Variants in FBN3 observed in about 807,000 individuals in gnomAD.
FBN3 encodes fibrillin-3.
Under a neutral mutation model 330.1 loss-of-function variants are expected in FBN3, and 234 were observed. The observed-to-expected ratio is 0.71, with a 90% CI of 0.64 to 0.79. The LOEUF is 0.79. Among genes scored for constraint, FBN3 ranks in the 30% least tolerant of loss-of-function variants. The pLI, the probability that FBN3 is intolerant of heterozygous loss-of-function variation, is 0.00. For missense variants in FBN3, 3,606 were observed against 3,886.9 expected, an observed-to-expected ratio of 0.93 and a Z score of 1.92; for synonymous variants, 1,458 against 1,517.3, an observed-to-expected ratio of 0.96 and a Z score of 0.91.
intron 41 of FBN3, among the ~76,000 whole-genome samples, chr19:8,099,115 A>G (rs939545052): frequency 3.2e-4 from 49 of 152,012 alleles, no homozygotes; most frequent in African/African-American, 1.1e-3. Context: ...CCAGAAACCA[A>G]TGTCATATAT....
chr19:8,097,970 CA>C (rs1297470714), intron 41 of FBN3, among the ~76,000 whole-genome samples: 1 of 152,116 alleles, frequency 6.6e-6, no homozygotes, highest in Non-Finnish European at 1.5e-5. Flanking sequence ...TTGTGGTTGC[CA>C]GGGGCAGAAG....
At chr19:8,117,614 CG>C (rs1377063504) in intron 26 of FBN3, 25 bp from the exon 27 acceptor site, 1 of 1,508,040 alleles carries the variant, frequency 6.6e-7, no homozygotes, top group Non-Finnish European at 8.9e-7. Context: ...AGGTGAAAGA[CG>C]GGCCTGTGCC....
chr19:8,128,382 G>A (rs1440283381), intron 18 of FBN3, among the ~76,000 whole-genome samples: 1 of 152,062 alleles, frequency 6.6e-6, no homozygotes, highest in East Asian at 1.9e-4. Context: ...TGGCGAACAT[G>A]GTGAAACCCT....
intron 54 of FBN3, 90 bp downstream of exon 54, chr19:8,086,987 T>C (rs1199013880): frequency 6.8e-7 from 1 of 1,470,334 alleles, no homozygotes; most frequent in African/African-American, 1.5e-5. Flanking sequence ...ATGACAGGTA[T>C]GAGTCACCGT....
At chr19:8,106,373 G>A in intron 37 of FBN3, 140 bp from the exon 38 acceptor site, 1 of 742,206 alleles carries the variant, frequency 1.3e-6, no homozygotes, top group Non-Finnish European at 2.2e-6. Context: ...CATTTAAAGG[G>A]TCTATCTTGA....
intron 2 of FBN3, 28 bp from the exon 3 acceptor site, chr19:8,147,214 G>A: frequency 6.4e-7 from 1 of 1,558,990 alleles, no homozygotes. Context: ...TGGGTCTGGT[G>A]AGCCCCTGCC....
At position 8,110,852 on chromosome 19, in the gene FBN3, GT is replaced by G. The variant is rs1310849032; in HGVS notation, c.4325del (p.Asn1442ThrfsTer12). The G allele has an allele frequency of 6.2e-7, 1 of 1,614,102 alleles. No homozygotes were observed. Among genetic ancestry groups the G allele is most frequent in the African/African-American group, 1.3e-5 (1 of 74,936 alleles). ...GCCCAGATGACCTCACACCTGTGCA[GT>G]TGCCACCCCCTCGGTCCAGTTCGTA... ...GGYELDRGGG[N>X]CTDINECADP... On this transcript the variant is annotated frameshift_variant, in exon 34 of 64. Coordinates refer to ENST00000600128, the MANE Select transcript of FBN3 (RefSeq NM_032447.5). LOFTEE classifies it high-confidence loss of function.
chr19:8,138,676 G>T, intron 8 of FBN3, 112 bp from the exon 9 acceptor site: 1 of 1,127,894 alleles, frequency 8.9e-7, no homozygotes, highest in Non-Finnish European at 1.2e-6. Context: ...TTGCCGCTCT[G>T]TGCCTCAGTT....
intron 53 of FBN3, among the ~76,000 whole-genome samples, 163 bp downstream of exon 53, chr19:8,087,662 A>G (rs1424724255): frequency 7.7e-6 from 1 of 129,204 alleles, no homozygotes; most frequent in Non-Finnish European, 1.5e-5. Context: ...GCTGGAGTGC[A>G]GTGGCATGAT....
intron 40 of FBN3, among the ~76,000 whole-genome samples, chr19:8,101,980 G>T (rs2082336579): frequency 6.6e-6 from 1 of 152,192 alleles, no homozygotes; most frequent in Admixed American, 6.5e-5. Flanking sequence ...TCACGGGAGG[G>T]ACCCGGTGGG....
chr19:8,139,622 C>A (rs1384501406), intron 8 of FBN3, among the ~76,000 whole-genome samples: 1 of 151,634 alleles, frequency 6.6e-6, no homozygotes, highest in East Asian at 1.9e-4. Flanking sequence ...AGAGAGGGGC[C>A]CCAAGGAGTC....
chr19:8,072,836 G>A (rs2081547286), intron 62 of FBN3, among the ~76,000 whole-genome samples: 1 of 152,152 alleles, frequency 6.6e-6, no homozygotes, highest in South Asian at 2.1e-4. Context: ...AGTGCTGTGA[G>A]GATGTGTGTG....
At chr19:8,137,876 C>T (rs1273700429) in intron 10 of FBN3, among the ~76,000 whole-genome samples, 1 of 152,142 alleles carries the variant, frequency 6.6e-6, no homozygotes, top group Admixed American at 6.6e-5. Context: ...GATCCTTCCA[C>T]CTCGGCCTCC....
intron 48 of FBN3, among the ~76,000 whole-genome samples, chr19:8,090,956 T>A (rs2082083564): frequency 6.6e-6 from 1 of 152,176 alleles, no homozygotes; most frequent in African/African-American, 2.4e-5. Context: ...CCCCCAATCC[T>A]TGGCTCTGGA....
At chr19:8,125,790 CAAAAAA>C in intron 22 of FBN3, 96 bp downstream of exon 22, 1 of 1,078,796 alleles carries the variant, frequency 9.3e-7, no homozygotes. Flanking sequence ...GACTCCATCT[CAAAAAA>C]AAAAAAAAAA....
intron 18 of FBN3, 86 bp from the exon 19 acceptor site, chr19:8,126,918 G>A (rs1197402402): frequency 1.5e-5 from 22 of 1,459,590 alleles, no homozygotes; most frequent in East Asian, 4.8e-5. Context: ...AGGGGCCGCC[G>A]CAACCGGTGG....
intron 46 of FBN3, among the ~76,000 whole-genome samples, chr19:8,094,774 G>A (rs1276977490): frequency 6.6e-6 from 1 of 152,144 alleles, no homozygotes; most frequent in Non-Finnish European, 1.5e-5. Context: ...GGGGTTATAG[G>A]TGGGGCAGAT....
chr19:8,065,558 A>C lies in FBN3; in HGVS notation c.*361T>G. Reference sequence around the variant, plus strand: ...GTGCCCACCCCAGTTGCCCATTGCCATGTCCTGCCAACCCCCTGCCCCCCG... The same window carrying C: ...GTGCCCACCCCAGTTGCCCATTGCCCTGTCCTGCCAACCCCCTGCCCCCCG... On this transcript the variant is annotated 3_prime_UTR_variant, in exon 64 of 64. Coordinates refer to ENST00000600128, the MANE Select transcript of FBN3 (RefSeq NM_032447.5). The C allele has an allele frequency of 4.1e-6, 1 of 243,074 alleles. No homozygotes were observed. Among genetic ancestry groups the C allele is most frequent in the Non-Finnish European group, 7.8e-6 (1 of 127,548 alleles). The allele number at this position is 243,074 out of a possible 1,614,324, so 15.1% of individuals were successfully genotyped here. A position where few individuals can be genotyped will look rare whatever the true frequency, so the allele number is the denominator to read the frequency against.
chr19:8,096,070 C>A lies in FBN3; in HGVS notation c.5550G>T (p.Glu1850Asp). 6.2e-7 allele frequency: 1 copy of A among 1,613,568 alleles called. No individual in the cohort carries two copies. Among genetic ancestry groups the A allele is most frequent in the Non-Finnish European group, 8.5e-7 (1 of 1,179,514 alleles). ...CATTTCCACAAGGCTGCCGGTCACA[C>A]TCGTCAATGTCTGCAGAAGCAAAGC... ...ADQTLCMDID[E>D]CDRQPCGNGT... Residue 1850 changes from glutamate (E) to aspartate (D), a missense_variant, in exon 45 of 64, where the codon GAG (glutamate) becomes GAT (aspartate). Transcript: ENST00000600128. The surrounding 1 kb of genome is among the most constrained non-coding windows in gnomAD (Gnocchi z 4.6).
Sources: allele counts gnomAD v4.1 joint callset (sites outside exome capture counted in the v4.1 genomes callset), GRCh38; gene constraint gnomAD v4.1.1; non-coding constraint Gnocchi (gnomAD v3.1); transcripts MANE v1.5; gene names NCBI Gene and HGNC (gene_info 2026-07-23, HGNC 2026-07-21).